AMBRA1: variants seen among roughly 807,000 people sequenced by gnomAD.
AMBRA1 encodes activating molecule in BECN1-regulated autophagy protein 1.
Under a neutral mutation model 125.4 loss-of-function variants are expected in AMBRA1, and 47 were observed. The ratio of observed to expected loss-of-function variants is 0.37; its 90% CI spans 0.30 to 0.48. The LOEUF is 0.48. Ranked by LOEUF, AMBRA1 falls within the 20% of genes least tolerant of loss-of-function variation. The pLI, the probability that AMBRA1 is intolerant of heterozygous loss-of-function variation, is 0.99. For synonymous variants in AMBRA1, 626 were observed against 655.5 expected, an observed-to-expected ratio of 0.95 and a Z score of 0.69; for missense variants, 1,331 against 1,693.4, an observed-to-expected ratio of 0.79 and a Z score of 3.76.
intron 7 of AMBRA1, among the ~76,000 whole-genome samples, chr11:46,539,399 A>G (rs367581553): frequency 6.6e-6 from 1 of 152,208 alleles, no homozygotes; most frequent in African/African-American, 2.4e-5. Flanking sequence ...CTCTACTAAA[A>G]ATACAAAATT....
intron 17 of AMBRA1, among the ~76,000 whole-genome samples, chr11:46,402,453 C>T (rs1435799010): frequency 6.6e-6 from 1 of 152,128 alleles, no homozygotes; most frequent in Non-Finnish European, 1.5e-5. Flanking sequence ...CCTCCGCCTC[C>T]CAGGTTCAAG....
At chr11:46,541,238 T>C (rs987399003) in intron 7 of AMBRA1, among the ~76,000 whole-genome samples, 1 of 151,664 alleles carries the variant, frequency 6.6e-6, no homozygotes, top group Admixed American at 6.6e-5. Flanking sequence ...CATGAAAGAG[T>C]TGGCTAGGAT....
intron 7 of AMBRA1, among the ~76,000 whole-genome samples, chr11:46,540,210 G>C (rs187398859): frequency 6.6e-6 from 1 of 152,328 alleles, no homozygotes; most frequent in East Asian, 1.9e-4. Flanking sequence ...AGCACATGAA[G>C]AGGTACTACT....
At chr11:46,463,381 T>TA (rs2136844136) in intron 11 of AMBRA1, among the ~76,000 whole-genome samples, 1 of 152,330 alleles carries the variant, frequency 6.6e-6, no homozygotes, top group African/African-American at 2.4e-5. Flanking sequence ...CATCTTTATA[T>TA]AAAATATATA....
chr11:46,545,773 C>T lies in AMBRA1; in HGVS notation c.382G>A (p.Gly128Ser). The T allele has an allele frequency of 6.2e-7, 1 of 1,613,838 alleles. No individual in the cohort carries two copies. The highest frequency in any genetic ancestry group is 8.5e-7 in the Non-Finnish European group (1 of 1,179,844). Residue 128 changes from glycine (G) to serine (S), a missense_variant, in exon 5 of 18, where the codon GGC (glycine) becomes AGC (serine). Physicochemically the swap from Gly to Ser is moderately conservative, Grantham distance 56. Around this residue, in one of 4 missense-constraint regions of AMBRA1, gnomAD observed 144 missense variants for 250.4 expected, o/e 0.58. Transcript: ENST00000683756. ...CTATCTGTGAACCAGCTTTCACTGC[C>T]ACCCTGTGAATGAACCAATTCCAGA... ...GEVRIWDLHG[G>S]SESWFTDSNN...
intron 14 of AMBRA1, among the ~76,000 whole-genome samples, chr11:46,425,307 CATTTGTGTGTGTGTGT>C (rs1353631421): frequency 1.8e-5 from 2 of 111,726 alleles, no homozygotes; most frequent in South Asian, 3.0e-4. Flanking sequence ...TTGCTTGATC[CATTTGTGTGTGTGTGT>C]GTGTGTGTGT....
intron 1 of AMBRA1, among the ~76,000 whole-genome samples, chr11:46,574,735 C>G (rs72912144): frequency 3.9e-5 from 6 of 152,210 alleles, no homozygotes; most frequent in Non-Finnish European, 7.3e-5. Context: ...TCTTGGGCAC[C>G]TCCAAAGAAT....
Position 46,548,405 on chromosome 11 carries a change from C to T in AMBRA1, c.-25G>A. The T allele has an allele frequency of 6.2e-7, 1 of 1,612,426 alleles. No homozygotes were observed. The highest frequency in any genetic ancestry group is 8.5e-7 in the Non-Finnish European group (1 of 1,179,662). Reference sequence around the variant, plus strand: ...TGGCGCTCAGTAGCCACTGTCACACCAGGCCCAGGAAATGAAGGAGCAAGT... The same window carrying T: ...TGGCGCTCAGTAGCCACTGTCACACTAGGCCCAGGAAATGAAGGAGCAAGT... On this transcript the variant is annotated 5_prime_UTR_variant, in exon 2 of 18. Transcript: ENST00000683756.
chr11:46,503,188 T>C (rs1421623881), intron 9 of AMBRA1, among the ~76,000 whole-genome samples: 2 of 152,136 alleles, frequency 1.3e-5, no homozygotes, highest in African/African-American at 4.8e-5. Context: ...ACTAATCATT[T>C]GTAGCTTTTG....
At chr11:46,592,737 G>T (rs917841350) in intron 1 of AMBRA1, among the ~76,000 whole-genome samples, 6 of 151,584 alleles carry the variant, frequency 4.0e-5, no homozygotes, top group African/African-American at 9.7e-5. Context: ...CAGTTTGGGC[G>T]ACAGAGCTAG....
rs370200700 is a variant in AMBRA1 at position 46,418,257 on chromosome 11, A to G, written c.2977-205T>C. Among the ~76,000 whole-genome samples the G allele has an allele frequency of 1.9e-4, 27 of 142,170 alleles. No individual in the cohort carries two copies. In the East Asian group the frequency reaches 4.7e-3, roughly 25 times the overall value. The allele number at this position is 142,170 out of a possible 152,430, so 93.3% of individuals were successfully genotyped here. A position where few individuals can be genotyped will look rare whatever the true frequency, so the allele number is the denominator to read the frequency against. On this transcript the variant is annotated intron_variant, in intron 14 of 17. Coordinates refer to ENST00000683756, the MANE Select transcript of AMBRA1 (RefSeq NM_001387011.1). ...TATAAATATATATAATATATATTTT[A>G]TTATTTATATATAATATGTTTTATT...
intron 9 of AMBRA1, among the ~76,000 whole-genome samples, chr11:46,498,857 T>C (rs377512695): frequency 6.6e-6 from 1 of 152,374 alleles, no homozygotes; most frequent in East Asian, 1.9e-4. Flanking sequence ...TGTTTCCCTA[T>C]GCTGCTCTGT....
chr11:46,529,552 G>C (rs1253783763), intron 7 of AMBRA1, among the ~76,000 whole-genome samples: 28 of 152,146 alleles, frequency 1.8e-4, no homozygotes, highest in Admixed American at 1.8e-3. Flanking sequence ...CTTTTTGCTT[G>C]AGCTAATGCA....
At chr11:46,480,046 TGCTA>T (rs1179496845) in intron 11 of AMBRA1, among the ~76,000 whole-genome samples, 1 of 152,220 alleles carries the variant, frequency 6.6e-6, no homozygotes, top group Non-Finnish European at 1.5e-5. Context: ...TCCCACTCGC[TGCTA>T]GCTGTTAGCA....
chr11:46,495,568 A>T (rs1428004751), intron 9 of AMBRA1: 1 of 152,224 alleles, frequency 6.6e-6, no homozygotes, highest in Admixed American at 6.5e-5. Context: ...TGCAGATGAA[A>T]GGAGGGGCAA....
At chr11:46,401,381 C>T (rs1354450159) in intron 17 of AMBRA1, among the ~76,000 whole-genome samples, 1 of 152,224 alleles carries the variant, frequency 6.6e-6, no homozygotes, top group African/African-American at 2.4e-5. Flanking sequence ...GCTGGGACTA[C>T]AGGCATGTGC....
chr11:46,458,031 A>C (rs897712715), intron 11 of AMBRA1, among the ~76,000 whole-genome samples: 1 of 152,220 alleles, frequency 6.6e-6, no homozygotes, highest in Non-Finnish European at 1.5e-5. Context: ...ATGGAAAATC[A>C]GGAGCAAAAA....
intron 7 of AMBRA1, among the ~76,000 whole-genome samples, chr11:46,528,450 C>T (rs916069573): frequency 6.6e-6 from 1 of 152,194 alleles, no homozygotes; most frequent in African/African-American, 2.4e-5. Context: ...GGATTACAGG[C>T]GTGAGCCACC....
intron 17 of AMBRA1, among the ~76,000 whole-genome samples, chr11:46,404,385 A>G (rs1262349692): frequency 6.6e-6 from 1 of 152,112 alleles, no homozygotes; most frequent in Non-Finnish European, 1.5e-5. Flanking sequence ...GCTCAAAGAG[A>G]GCCCTGATCC....
Sources: allele counts gnomAD v4.1 joint callset (sites outside exome capture counted in the v4.1 genomes callset), GRCh38; gene constraint gnomAD v4.1.1; regional missense constraint gnomAD v4.1.1; transcripts MANE v1.5; gene names NCBI Gene and HGNC (gene_info 2026-07-23, HGNC 2026-07-21).